GAP43: variants seen among roughly 807,000 people sequenced by gnomAD.
The protein encoded by GAP43 is growth associated protein 43.
In GAP43, 6 loss-of-function variants were observed where a neutral mutation model predicts 18.6. The ratio of observed to expected loss-of-function variants is 0.32; its 90% CI spans 0.18 to 0.64. GAP43 has a LOEUF of 0.64. GAP43 is among the 30% of genes least tolerant of loss of function. The pLI is 0.78. For synonymous variants in GAP43, 115 were observed against 111.4 expected, an observed-to-expected ratio of 1.03 and a Z score of -0.20; for missense variants, 292 against 295.5, an observed-to-expected ratio of 0.99 and a Z score of 0.09.
chr3:115,672,942 C>T (rs573546834), intron 1 of GAP43, among the ~76,000 whole-genome samples: 2 of 152,200 alleles, frequency 1.3e-5, no homozygotes, highest in East Asian at 3.9e-4. Flanking sequence ...GTACTTTGAG[C>T]ATCTTTTTGG....
At chr3:115,698,004 T>TGC in intron 2 of GAP43, among the ~76,000 whole-genome samples, 2 of 119,098 alleles carry the variant, frequency 1.7e-5, no homozygotes, top group Non-Finnish European at 3.3e-5. Context: ...TGTGTGTGTG[T>TGC]GTGTGTATAA....
chr3:115,683,615 A>G (rs1708994886), intron 2 of GAP43, among the ~76,000 whole-genome samples: 1 of 152,140 alleles, frequency 6.6e-6, no homozygotes, highest in Non-Finnish European at 1.5e-5. Context: ...TTTCATTTCC[A>G]TCTTACACTT....
Position 115,663,975 on chromosome 3 carries a change from C to G in GAP43, c.31-12038C>G, listed in dbSNP as rs139252844. On this transcript the variant is annotated intron_variant, in intron 1 of 2. Coordinates refer to ENST00000305124, the MANE Select transcript of GAP43 (RefSeq NM_002045.4). ...TTTTAGGTTAAAACCCTGACTCTGC[C>G]ACTTACTAGCTGTATGACTTTGAGC... is the stretch of plus-strand genomic sequence containing the variant. 7.7e-4 allele frequency: 1,143 copies of G among 1,486,518 alleles called. 13 individuals carry two copies. In the African/African-American group the frequency reaches 0.015, roughly 20 times the overall value. The allele number at this position is 1,486,518 out of a possible 1,614,324, so 92.1% of individuals were successfully genotyped here. A position where few individuals can be genotyped will look rare whatever the true frequency, so the allele number is the denominator to read the frequency against.
chr3:115,631,928 A>G (rs535581357), intron 1 of GAP43, among the ~76,000 whole-genome samples: 1 of 152,238 alleles, frequency 6.6e-6, no homozygotes, highest in African/African-American at 2.4e-5. Context: ...CAGAGTAAAT[A>G]TTAACCATGC....
intron 1 of GAP43, among the ~76,000 whole-genome samples, chr3:115,647,762 A>AAC (rs1553720749): frequency 1.4e-5 from 2 of 140,064 alleles, no homozygotes; most frequent in South Asian, 2.2e-4. Flanking sequence ...AAAAAACAAA[A>AAC]AAAAAAAACG....
rs115465865 is a variant in GAP43, at chr3:115,674,445, T to C, written c.31-1568T>C. On this transcript the variant is annotated intron_variant, in intron 1 of 2. Transcript: ENST00000305124. ...CTGTTCCTATCCTCTGAATTAATTT[T>C]CATGTGGAAAATAGTCATTTGCAGC... Among the ~76,000 whole-genome samples the C allele has an allele frequency of 4.4e-3, 669 of 152,290 alleles. 6 individuals are homozygous for C. The highest frequency in any genetic ancestry group is 0.016 in the African/African-American group (645 of 41,552).
intron 2 of GAP43, among the ~76,000 whole-genome samples, chr3:115,695,741 A>G (rs1040046480): frequency 6.6e-6 from 1 of 152,012 alleles, no homozygotes; most frequent in Non-Finnish European, 1.5e-5. Flanking sequence ...CCACTCCCCA[A>G]ACTCCCCATC....
chr3:115,716,909 C>G (rs1260603501), intron 2 of GAP43, among the ~76,000 whole-genome samples: 1 of 151,204 alleles, frequency 6.6e-6, no homozygotes, highest in Non-Finnish European at 1.5e-5. Flanking sequence ...TTTTTAATCT[C>G]CAAAGTTGTA....
At chr3:115,705,947 G>C (rs902822676) in intron 2 of GAP43, among the ~76,000 whole-genome samples, 5 of 152,130 alleles carry the variant, frequency 3.3e-5, no homozygotes, top group African/African-American at 1.2e-4. Context: ...AAAGAAGTAT[G>C]ACGTCTCTTT....
At chr3:115,720,772 C>T (rs749172350) in intron 2 of GAP43, 22 bp from the exon 3 acceptor site, 2 of 1,560,072 alleles carry the variant, frequency 1.3e-6, no homozygotes, top group East Asian at 2.2e-5. Context: ...TTCCCCCCAT[C>T]CTATCTTGTT....
At chr3:115,652,565 T>C (rs34997909) in intron 1 of GAP43, among the ~76,000 whole-genome samples, 38,986 of 151,396 alleles carry the variant, frequency 0.26, 5,506 homozygotes, top group East Asian at 0.41. Context: ...TTAAAAACTT[T>C]TTTGTAGAGA....
At chr3:115,694,269 T>G (rs1052040160) in intron 2 of GAP43, among the ~76,000 whole-genome samples, 1 of 152,206 alleles carries the variant, frequency 6.6e-6, no homozygotes, top group Non-Finnish European at 1.5e-5. Flanking sequence ...TATGAATATA[T>G]CACAAGCCCT....
chr3:115,685,957 T>A (rs749166522), intron 2 of GAP43, among the ~76,000 whole-genome samples: 5 of 152,234 alleles, frequency 3.3e-5, no homozygotes, highest in Non-Finnish European at 7.3e-5. Context: ...TTATCAGATA[T>A]CTGCAGCGGC....
intron 2 of GAP43, among the ~76,000 whole-genome samples, chr3:115,712,110 C>T (rs1432683121): frequency 6.6e-6 from 1 of 151,814 alleles, no homozygotes; most frequent in Admixed American, 6.6e-5. Context: ...CAACTTGTAC[C>T]TTCTTTGGCT....
chr3:115,674,126 C>T (rs1165503228), intron 1 of GAP43, among the ~76,000 whole-genome samples: 4 of 152,164 alleles, frequency 2.6e-5, no homozygotes, highest in Non-Finnish European at 5.9e-5. Flanking sequence ...ATTAGCTTAC[C>T]TCCTAAACTG....
chr3:115,720,344 C>G (rs568795000), intron 2 of GAP43, among the ~76,000 whole-genome samples: 1 of 152,284 alleles, frequency 6.6e-6, no homozygotes, highest in African/African-American at 2.4e-5. Context: ...AATTCAACTA[C>G]TTCACTTTTC....
intron 1 of GAP43, among the ~76,000 whole-genome samples, chr3:115,670,032 C>G (rs1404633663): frequency 8.0e-6 from 1 of 124,508 alleles, no homozygotes; most frequent in East Asian, 2.4e-4. Flanking sequence ...TTTTAGGGTA[C>G]ATGTGCACAT....
chr3:115,676,560 C>T lies in GAP43; in HGVS notation c.578C>T (p.Ala193Val), dbSNP rs1708892777. 2 of 1,612,290 alleles carry T rather than the reference C, an allele frequency of 1.2e-6. No homozygotes were observed. Among genetic ancestry groups the T allele is most frequent in the Non-Finnish European group, 1.7e-6 (2 of 1,179,808 alleles). The part of the protein sequence containing the change: ...AAEDAAAKAT[A>V]QPPTETGESS... ...GAGGATGCTGCTGCCAAGGCAACAGCCCAGCCTCCAACGGAGACTGGGGAG... is the reference window on the plus strand; with the variant it reads ...GAGGATGCTGCTGCCAAGGCAACAGTCCAGCCTCCAACGGAGACTGGGGAG... Residue 193 changes from alanine (A) to valine (V), a missense_variant, in exon 2 of 3, where the codon GCC (alanine) becomes GTC (valine). By Grantham distance (64) the Ala-to-Val change is moderately conservative. Transcript: ENST00000305124.
chr3:115,714,888 C>T (rs1709485325), intron 2 of GAP43, among the ~76,000 whole-genome samples: 1 of 151,968 alleles, frequency 6.6e-6, no homozygotes, highest in Non-Finnish European at 1.5e-5. Context: ...CACACACACA[C>T]ACACACACAT....
Sources: gnomAD v4.1 joint callset for allele counts (sites outside exome capture counted in the v4.1 genomes callset) on GRCh38, gnomAD v4.1.1 for gene constraint, MANE v1.5 for transcripts, NCBI Gene and HGNC (gene_info 2026-07-23, HGNC 2026-07-21) for gene names.